The following KCNK13 variants were observed in gnomAD, a reference collection of about 807,000 sequenced individuals.
KCNK13 encodes potassium two pore domain channel subfamily K member 13.
A neutral mutation model predicts 23.4 loss-of-function variants in KCNK13; 12 were observed. The ratio of observed to expected loss-of-function variants is 0.51; its 90% confidence interval spans 0.33 to 0.83. The LOEUF (loss-of-function observed/expected upper bound fraction) is 0.83. Ranked by LOEUF, KCNK13 falls within the 40% of genes least tolerant of loss-of-function variation. KCNK13 has a pLI of 0.02. For missense variants in KCNK13, 463 were observed against 556.3 expected (o/e 0.83, Z 1.69); for synonymous variants, 231 against 229.5 (o/e 1.01, Z -0.06).
chr14:90,062,950 CT>C lies in KCNK13; in HGVS notation c.334+412del, dbSNP rs1888963331. On this transcript the variant is annotated intron_variant, in intron 1 of 1. Coordinates refer to ENST00000282146, the MANE Select transcript of KCNK13 (RefSeq NM_022054.4). This position sits in a 1 kb window ranked among gnomAD's most constrained non-coding sequence, Gnocchi z 4.5. ...ATAGGGACAGGAAACTAAACATTTA[CT>C]GAGTCAGTCAGAGGGGAAGTGCAGA... Among the ~76,000 whole-genome samples, 1 of 152,098 alleles carries C rather than the reference CT, an allele frequency of 6.6e-6. No individual in the cohort carries two copies. The highest frequency in any genetic ancestry group is 2.4e-5 in the African/African-American group (1 of 41,406).
chr14:90,159,917 G>A (rs1360257923), intron 1 of KCNK13, among the ~76,000 whole-genome samples: 2 of 149,994 alleles, frequency 1.3e-5, no homozygotes, highest in Non-Finnish European at 3.0e-5. Context: ...CTCCAGACTT[G>A]GTATTCTTAA....
In KCNK13 at chr14:90,125,346, C is replaced by T. The variant is rs1287432356; in HGVS notation, c.335-58765C>T. 3.3e-5 allele frequency among the ~76,000 whole-genome samples: 5 copies of T among 151,874 alleles called. 1 individual carries two copies. Among genetic ancestry groups the T allele is most frequent in the Admixed American group, 2.0e-4 (3 of 15,222 alleles). On this transcript the variant is annotated intron_variant, in intron 1 of 1. Coordinates refer to ENST00000282146, the MANE Select transcript of KCNK13 (RefSeq NM_022054.4). ...TCACACCATTCTCCTGCCTCAGCCT[C>T]CCAAGTAGCTGGGACTACAGGCGCC...
At chr14:90,117,820 G>T (rs1436016378) in intron 1 of KCNK13, among the ~76,000 whole-genome samples, 2 of 152,044 alleles carry the variant, frequency 1.3e-5, no homozygotes, top group African/African-American at 2.4e-5. Context: ...CCACTTGAAT[G>T]GTTACTCCTC....
intron 1 of KCNK13, among the ~76,000 whole-genome samples, chr14:90,085,745 A>AATTATAT (rs201224453): frequency 0.12 from 16,695 of 135,962 alleles, 1,324 homozygotes; most frequent in South Asian, 0.25. Flanking sequence ...ATACTTATAT[A>AATTATAT]ATTATATATT....
intron 1 of KCNK13, among the ~76,000 whole-genome samples, chr14:90,119,571 G>T (rs10135549): frequency 0.26 from 39,956 of 151,770 alleles, 5,498 homozygotes; most frequent in East Asian, 0.37. Flanking sequence ...ATATACCAGT[G>T]CATACCCACT....
At position 90,113,002 on chromosome 14, in the gene KCNK13, G is replaced by A. The variant is rs990868173; in HGVS notation, c.334+50463G>A. Among the ~76,000 whole-genome samples the A allele has an allele frequency of 3.6e-4, 54 of 150,356 alleles. 2 individuals are homozygous for A. Among genetic ancestry groups the A allele is most frequent in the African/African-American group, 1.2e-3 (48 of 40,766 alleles). ...CATCACAGCTCATTGCAGCTTCATC[G>A]TTTTGGGCTCAAGCAATCCTTTCAC... is the stretch of plus-strand genomic sequence containing the variant. On this transcript the variant is annotated intron_variant, in intron 1 of 1. Coordinates refer to ENST00000282146, the MANE Select transcript of KCNK13 (RefSeq NM_022054.4).
chr14:90,097,451 A>G lies in KCNK13; in HGVS notation c.334+34912A>G, dbSNP rs79971551. Among the ~76,000 whole-genome samples, 902 of 152,232 alleles carry G rather than the reference A, an allele frequency of 5.9e-3. 4 individuals carry two copies. The highest frequency in any genetic ancestry group is 8.9e-3 in the Non-Finnish European group (607 of 68,014). Reference sequence around the variant, plus strand: ...CGAGAACTCACTCAATGCCACAAGAATGACATCAAGCCATTCATGAGGGAT... The same window carrying G: ...CGAGAACTCACTCAATGCCACAAGAGTGACATCAAGCCATTCATGAGGGAT... On this transcript the variant is annotated intron_variant, in intron 1 of 1. Transcript: ENST00000282146.
chr14:90,087,150 A>AT (rs1414159508), intron 1 of KCNK13, among the ~76,000 whole-genome samples: 58 of 72,152 alleles, frequency 8.0e-4, no homozygotes, highest in Non-Finnish European at 1.5e-3. Flanking sequence ...ATATATATAT[A>AT]TATATTTTTT....
At chr14:90,090,528 T>G (rs755981775) in intron 1 of KCNK13, among the ~76,000 whole-genome samples, 3 of 152,218 alleles carry the variant, frequency 2.0e-5, no homozygotes, top group East Asian at 3.8e-4. Context: ...TGTAGACTTT[T>G]GAGTTAATGC....
intron 1 of KCNK13, among the ~76,000 whole-genome samples, chr14:90,066,526 CAAAGT>C (rs544022939): frequency 1.1e-4 from 16 of 152,300 alleles, no homozygotes; most frequent in Admixed American, 4.6e-4. Flanking sequence ...CTCAGCCTCC[CAAAGT>C]GCTGAGATTA....
intron 1 of KCNK13, among the ~76,000 whole-genome samples, chr14:90,100,479 C>A (rs773868445): frequency 2.0e-5 from 3 of 152,032 alleles, no homozygotes; most frequent in Non-Finnish European, 2.9e-5. Flanking sequence ...ACATTGCCTA[C>A]CTAATAGAAG....
chr14:90,139,892 C>T (rs994240922), intron 1 of KCNK13, among the ~76,000 whole-genome samples: 19 of 151,776 alleles, frequency 1.3e-4, no homozygotes, highest in African/African-American at 4.6e-4. Context: ...AACCTGGGAG[C>T]TGGAGGTTGC....
chr14:90,121,332 C>G (rs1408510169), intron 1 of KCNK13, among the ~76,000 whole-genome samples: 1 of 152,184 alleles, frequency 6.6e-6, no homozygotes, highest in South Asian at 2.1e-4. Flanking sequence ...ACTTGGCAGC[C>G]TCTGTCCTTT....
chr14:90,106,443 C>T (rs549052933), intron 1 of KCNK13, among the ~76,000 whole-genome samples: 1 of 151,608 alleles, frequency 6.6e-6, no homozygotes, highest in African/African-American at 2.4e-5. Flanking sequence ...GGCATGGTGG[C>T]TCATGCCTGT....
At chr14:90,089,849 A>T (rs1889321860) in intron 1 of KCNK13, among the ~76,000 whole-genome samples, 3 of 152,232 alleles carry the variant, frequency 2.0e-5, no homozygotes, top group Admixed American at 6.5e-5. Flanking sequence ...TGCAAGCCCC[A>T]AGCCTTGGTA....
At chr14:90,152,934 A>T (rs998721261) in intron 1 of KCNK13, among the ~76,000 whole-genome samples, 27 of 152,150 alleles carry the variant, frequency 1.8e-4, no homozygotes, top group Non-Finnish European at 1.5e-4. Flanking sequence ...CATTGTAGTA[A>T]GGGCCTGGTC....
chr14:90,103,709 C>T (rs899839691), intron 1 of KCNK13, among the ~76,000 whole-genome samples: 36 of 152,030 alleles, frequency 2.4e-4, no homozygotes, highest in Non-Finnish European at 4.7e-4. Context: ...ATTATAGGCT[C>T]CCACTACCTT....
intron 1 of KCNK13, among the ~76,000 whole-genome samples, chr14:90,117,619 C>T (rs1464710931): frequency 1.3e-5 from 2 of 152,004 alleles, no homozygotes; most frequent in African/African-American, 4.8e-5. Context: ...TTGTTTATTT[C>T]TGGAATTTTT....
intron 1 of KCNK13, among the ~76,000 whole-genome samples, chr14:90,126,575 G>A (rs1313409307): frequency 2.6e-5 from 4 of 151,594 alleles, no homozygotes; most frequent in Non-Finnish European, 4.4e-5. Context: ...ATGGAGTCTC[G>A]CTCTGTCACC....
Sources: gnomAD v4.1 joint callset for allele counts (sites outside exome capture counted in the v4.1 genomes callset) on GRCh38, gnomAD v4.1.1 for gene constraint, Gnocchi (gnomAD v3.1) non-coding constraint, MANE v1.5 for transcripts, NCBI Gene and HGNC (gene_info 2026-07-23, HGNC 2026-07-21) for gene names.